The following MICU1 variants were observed in gnomAD, a reference collection of about 807,000 sequenced individuals.
The protein encoded by MICU1 is calcium uptake protein 1, mitochondrial.
MICU1 carries 45 observed loss-of-function variants against 56.8 expected under a neutral mutation model. The ratio of observed to expected loss-of-function variants is 0.79; its 90% CI spans 0.62 to 1.02. The LOEUF (loss-of-function observed/expected upper bound fraction) is 1.02. Among genes scored for constraint, MICU1 ranks in the 50% least tolerant of loss-of-function variants. MICU1 has a pLI of 0.00. For missense variants in MICU1, 504 were observed against 587.1 expected (o/e 0.86, Z 1.46); for synonymous variants, 186 against 195.1 (o/e 0.95, Z 0.39).
chr10:72,474,099 A>G (rs1564889972), intron 8 of MICU1, among the ~76,000 whole-genome samples: 1 of 151,732 alleles, frequency 6.6e-6, no homozygotes, highest in African/African-American at 2.4e-5. Context: ...TCTAATAAAA[A>G]TACAAAATTA....
chr10:72,578,119 T>C (rs1225213272), intron 1 of MICU1, among the ~76,000 whole-genome samples: 1 of 152,178 alleles, frequency 6.6e-6, no homozygotes, highest in Non-Finnish European at 1.5e-5. Context: ...TTGTTGTCTT[T>C]TTTTAAGAAA....
At chr10:72,569,237 A>ATATTTTTTTTTTTTTTTTT in intron 1 of MICU1, among the ~76,000 whole-genome samples, 1 of 34,390 alleles carries the variant, frequency 2.9e-5, no homozygotes, top group African/African-American at 1.1e-4. Context: ...ATATATATAT[A>ATATTTTTTTTTTTTTTTTT]TTTTTTTTTT....
chr10:72,519,965 T>C (rs1867768126), intron 5 of MICU1, among the ~76,000 whole-genome samples: 1 of 152,200 alleles, frequency 6.6e-6, no homozygotes. Context: ...TAAAGTGTCA[T>C]CCTTTATGGG....
intron 1 of MICU1, among the ~76,000 whole-genome samples, chr10:72,594,222 A>AT (rs1209245735): frequency 6.6e-6 from 1 of 152,230 alleles, no homozygotes; most frequent in Non-Finnish European, 1.5e-5. Flanking sequence ...TGGTCACATG[A>AT]TTTCTGACAA....
intron 5 of MICU1, chr10:72,524,611 C>T (rs181513484): frequency 1.0e-4 from 57 of 569,122 alleles, no homozygotes; most frequent in African/African-American, 8.7e-4. Context: ...GTGACAGGAA[C>T]GAAATCATTC....
At chr10:72,372,696 A>T (rs1564832852) in intron 11 of MICU1, among the ~76,000 whole-genome samples, 1 of 151,368 alleles carries the variant, frequency 6.6e-6, no homozygotes, top group Non-Finnish European at 1.5e-5. Context: ...AAAAAAATTA[A>T]CCGGGTGTGA....
At chr10:72,395,524 C>T (rs1863224963) in intron 10 of MICU1, among the ~76,000 whole-genome samples, 1 of 152,176 alleles carries the variant, frequency 6.6e-6, no homozygotes, top group Non-Finnish European at 1.5e-5. Flanking sequence ...TTTCTCTTTC[C>T]TAGCCAAGGG....
chr10:72,490,843 C>A (rs1325257133), intron 6 of MICU1, among the ~76,000 whole-genome samples: 1 of 152,168 alleles, frequency 6.6e-6, no homozygotes, highest in Admixed American at 6.5e-5. Flanking sequence ...TGAAGAACTG[C>A]CTAGGAGGCA....
chr10:72,538,847 A>G (rs958914240), intron 4 of MICU1, among the ~76,000 whole-genome samples: 2 of 152,120 alleles, frequency 1.3e-5, no homozygotes, highest in African/African-American at 4.8e-5. Flanking sequence ...TATGATGCCT[A>G]TAAGAGACTC....
intron 5 of MICU1, among the ~76,000 whole-genome samples, chr10:72,513,597 T>C (rs1867553843): frequency 6.6e-6 from 1 of 152,222 alleles, no homozygotes; most frequent in Admixed American, 6.5e-5. Flanking sequence ...GTGCTTTTGA[T>C]GTTATATTTA....
At chr10:72,411,637 T>A (rs944442356) in intron 9 of MICU1, among the ~76,000 whole-genome samples, 1 of 152,174 alleles carries the variant, frequency 6.6e-6, no homozygotes. Context: ...TATAAAATCC[T>A]GTAGGAGTTA....
Position 72,423,299 on chromosome 10 carries a change from C to T in MICU1, c.1006G>A (p.Gly336Arg). The T allele has an allele frequency of 6.2e-7, 1 of 1,613,990 alleles. No homozygotes were observed. ...QFGGMLLAYS[G>R]VQSKKLTAMQ... ...GCGGTCAGCTTCTTGGACTGCACCCCACTGTAGGCAAGTAGCATGCCACCA... is the reference window on the plus strand; with the variant it reads ...GCGGTCAGCTTCTTGGACTGCACCCTACTGTAGGCAAGTAGCATGCCACCA... Residue 336 changes from glycine (G) to arginine (R), a missense_variant, in exon 9 of 12, where the codon GGG becomes AGG. Physicochemically the swap from Gly to Arg is moderately radical, Grantham distance 125. Transcript: ENST00000361114.
At chr10:72,559,753 A>T (rs2152473) in intron 3 of MICU1, among the ~76,000 whole-genome samples, 86,105 of 151,868 alleles carry the variant, frequency 0.57, 25,598 homozygotes, top group Non-Finnish European at 0.64. Context: ...AGAGCAAGGG[A>T]CCCCAGCCCT....
chr10:72,481,861 A>C (rs1040234232), intron 6 of MICU1, among the ~76,000 whole-genome samples: 3 of 152,156 alleles, frequency 2.0e-5, no homozygotes, highest in African/African-American at 7.2e-5. Flanking sequence ...ACCCTACACA[A>C]AGTTTGTTAC....
intron 6 of MICU1, among the ~76,000 whole-genome samples, chr10:72,498,372 G>A (rs1866917456): frequency 6.6e-6 from 1 of 152,286 alleles, no homozygotes; most frequent in South Asian, 2.1e-4. Flanking sequence ...GATCACCTGA[G>A]GTCAGGAGGT....
intron 6 of MICU1, among the ~76,000 whole-genome samples, chr10:72,480,424 C>G (rs1233031807): frequency 6.6e-6 from 1 of 152,154 alleles, no homozygotes; most frequent in Non-Finnish European, 1.5e-5. Context: ...GTCTAAAGCT[C>G]AGTGAGAGAG....
At chr10:72,471,319 C>T (rs1326084626) in intron 8 of MICU1, among the ~76,000 whole-genome samples, 4 of 152,180 alleles carry the variant, frequency 2.6e-5, no homozygotes, top group Admixed American at 2.6e-4. Context: ...CTCCTGACTT[C>T]GTGATCTGCC....
intron 1 of MICU1, among the ~76,000 whole-genome samples, chr10:72,603,837 A>G (rs1158379309): frequency 6.6e-6 from 1 of 152,166 alleles, no homozygotes; most frequent in Non-Finnish European, 1.5e-5. Context: ...ACAAACAAAA[A>G]AACACCTGTA....
intron 5 of MICU1, among the ~76,000 whole-genome samples, chr10:72,517,430 TACTACTCAGCCATA>T (rs1310531377): frequency 1.2e-4 from 6 of 50,460 alleles, no homozygotes; most frequent in Non-Finnish European, 6.7e-4. Flanking sequence ...TACGATGGAA[TACTACTCAGCCATA>T]AAAAGGAACG....
Sources: gnomAD v4.1 joint callset for allele counts (sites outside exome capture counted in the v4.1 genomes callset) on GRCh38, gnomAD v4.1.1 for gene constraint, MANE v1.5 for transcripts, NCBI Gene and HGNC (gene_info 2026-07-23, HGNC 2026-07-21) for gene names.